Variants in RASSF1 observed in about 807,000 individuals in gnomAD.
The protein encoded by RASSF1 is Ras association domain family member 1, also known as ras association domain-containing protein 1.
Under a neutral mutation model 34.3 loss-of-function variants are expected in RASSF1, and 33 were observed. The ratio of observed to expected loss-of-function variants is 0.96; its 90% confidence interval spans 0.73 to 1.29. RASSF1 has a LOEUF of 1.29. Among genes scored for constraint, RASSF1 ranks in the 50% most tolerant of loss-of-function variants. The pLI is 0.00. For missense variants in RASSF1, 445 were observed against 471.8 expected, an observed-to-expected ratio of 0.94 and a Z score of 0.53; for synonymous variants, 191 against 195.0, an observed-to-expected ratio of 0.98 and a Z score of 0.17.
chr3:50,332,340 G>A (rs752954153), intron 2 of RASSF1, among the ~76,000 whole-genome samples, 186 bp from the exon 3 acceptor site: 1 of 152,224 alleles, frequency 6.6e-6, no homozygotes, highest in Non-Finnish European at 1.5e-5. Flanking sequence ...GGGTGGATAA[G>A]GGAAAGACAG....
At position 50,330,510 on chromosome 3, in the gene RASSF1, G is replaced by A; in HGVS notation, c.*71C>T. On this transcript the variant is annotated 3_prime_UTR_variant, in exon 6 of 6. Coordinates refer to ENST00000359365, the MANE Select transcript of RASSF1 (RefSeq NM_007182.5). The surrounding 1 kb of genome is among the most constrained non-coding windows in gnomAD (Gnocchi z 4.5). Reference sequence around the variant, plus strand: ...CACACTCATTCCACAGGCCCCACTGGCCCTGTCACACTCACACGGCACGCA... The same window carrying A: ...CACACTCATTCCACAGGCCCCACTGACCCTGTCACACTCACACGGCACGCA... 10 of 1,575,040 alleles carry A rather than the reference G, an allele frequency of 6.3e-6. No homozygotes were observed. The highest frequency in any genetic ancestry group is 8.7e-6 in the Non-Finnish European group (10 of 1,151,592).
chr3:50,331,283 C>G, intron 5 of RASSF1, 51 bp downstream of exon 5: 1 of 1,314,962 alleles, frequency 7.6e-7, no homozygotes, highest in Non-Finnish European at 1.0e-6. Context: ...GTAGCTACAG[C>G]CCATCAGTCC....
rs113114975 is a variant in RASSF1 at position 50,330,728 on chromosome 3, C to T, written c.877-1G>A. ...GTTCAGGCATGCTGAAGGCGTCCCA[C>T]TGCAAGGGGCAAAAGGGGAGTGTAC... On this transcript the variant is annotated splice_acceptor_variant, in intron 5 of 5. Transcript: ENST00000359365. LOFTEE classifies it high-confidence loss of function. The surrounding 1 kb of genome is among the most constrained non-coding windows in gnomAD (Gnocchi z 4.5). 15 of 1,613,766 alleles carry T rather than the reference C, an allele frequency of 9.3e-6. 1 individual carries two copies. In the South Asian group the frequency reaches 1.6e-4, roughly 18 times the overall value.
intron 2 of RASSF1, 114 bp downstream of exon 2, chr3:50,337,791 G>A: frequency 8.8e-7 from 1 of 1,141,058 alleles, no homozygotes; most frequent in Non-Finnish European, 1.2e-6. Flanking sequence ...GTGCCGCCGG[G>A]AAATCGGCAA....
rs373982641 is a variant in RASSF1, at chr3:50,333,492, T to C, written c.358-1338A>G. 1.1e-4 allele frequency among the ~76,000 whole-genome samples: 17 copies of C among 152,226 alleles called. No individual in the cohort carries two copies. In the East Asian group the frequency reaches 3.3e-3, roughly 29 times the overall value. On this transcript the variant is annotated intron_variant, in intron 2 of 5. Transcript: ENST00000359365. ...ATTTGGCCCAAAGATTTTTTTTTTT[T>C]TTGAGACGAAGCCTCACTCTGTCGC... is the stretch of plus-strand genomic sequence containing the variant.
At chr3:50,333,692 T>G (rs1349625390) in intron 2 of RASSF1, among the ~76,000 whole-genome samples, 1 of 152,140 alleles carries the variant, frequency 6.6e-6, no homozygotes, top group East Asian at 1.9e-4. Flanking sequence ...ATTGGCCAGG[T>G]TGGTCTTGAA....
intron 2 of RASSF1, chr3:50,337,552 A>G: frequency 2.7e-6 from 4 of 1,473,780 alleles, no homozygotes; most frequent in Non-Finnish European, 2.7e-6. Context: ...ATCGCTCCGG[A>G]GCTCCACTCA....
intron 1 of RASSF1, 132 bp downstream of exon 1, chr3:50,340,424 G>A (rs1372055511): frequency 8.1e-7 from 1 of 1,239,090 alleles, no homozygotes; most frequent in Admixed American, 4.0e-5. Context: ...TTCAGCGATG[G>A]GGCGAAAGTA....
chr3:50,334,715 C>T (rs1190935399), intron 2 of RASSF1, among the ~76,000 whole-genome samples: 1 of 152,222 alleles, frequency 6.6e-6, no homozygotes, highest in African/African-American at 2.4e-5. Context: ...TCATTTCCAG[C>T]CCCTTCCCTT....
chr3:50,337,917 C>G lies in RASSF1; in HGVS notation c.345G>C (p.Arg115=), dbSNP rs769567721. ...RDLGWEPAVE[R]DTNVDEPVEW... Reference sequence around the variant, plus strand: ...GCCCCGCGCTCACCACGTTCGTGTCCCGCTCCACCGCGGGTTCCCAGCCCA... The same window carrying G: ...GCCCCGCGCTCACCACGTTCGTGTCGCGCTCCACCGCGGGTTCCCAGCCCA... Residue 115 remains arginine, a synonymous_variant, in exon 2 of 6, where the codon CGG becomes CGC. Coordinates refer to ENST00000359365, the MANE Select transcript of RASSF1 (RefSeq NM_007182.5). The G allele has an allele frequency of 1.2e-6, 2 of 1,609,728 alleles. No homozygotes were observed. The highest frequency in any genetic ancestry group is 2.2e-5 in the East Asian group (1 of 44,850).
rs1703225726 is a variant in RASSF1, at chr3:50,337,982, G to A, written c.280C>T (p.Arg94Cys). The change falls in exon 2 of 6, where the codon CGC becomes TGC. Residue 94 changes from arginine to cysteine, a missense_variant. Arg to Cys is a radical substitution (Grantham distance 180, BLOSUM62 -3). Coordinates refer to ENST00000359365, the MANE Select transcript of RASSF1 (RefSeq NM_007182.5). ...HCKFTCHYRCRALVCLDCCGP... is the reference protein window; with the variant it reads ...HCKFTCHYRCCALVCLDCCGP... ...CAACAGTCCAGGCAGACGAGCGCGCGGCAGCGGTAGTGGCAGGTGAACTTG... is the reference window on the plus strand; with the variant it reads ...CAACAGTCCAGGCAGACGAGCGCGCAGCAGCGGTAGTGGCAGGTGAACTTG... 2 of 1,606,040 alleles carry A rather than the reference G, an allele frequency of 1.2e-6. No homozygotes were observed. Among genetic ancestry groups the A allele is most frequent in the Non-Finnish European group, 1.7e-6 (2 of 1,176,552 alleles).
At position 50,331,656 on chromosome 3, in the gene RASSF1, C is replaced by A. The variant is rs769620757; in HGVS notation, c.663G>T (p.Arg221Ser). 1.2e-6 allele frequency: 2 copies of A among 1,612,588 alleles called. No individual in the cohort carries two copies. The highest frequency in any genetic ancestry group is 3.3e-5 in the Admixed American group (2 of 60,014). Reference sequence around the variant, plus strand: ...GCAGGGCCTCAATGACTTCACGTGCCCTTGTGCGTGACAGCACATGCAGGT... The same window carrying A: ...GCAGGGCCTCAATGACTTCACGTGCACTTGTGCGTGACAGCACATGCAGGT... ...VKHLHVLSRT[R>S]AREVIEALLR... Residue 221 changes from arginine (R) to serine (S), a missense_variant, in exon 4 of 6, where the codon AGG becomes AGT. Coordinates refer to ENST00000359365, the MANE Select transcript of RASSF1 (RefSeq NM_007182.5).
intron 2 of RASSF1, among the ~76,000 whole-genome samples, chr3:50,335,567 C>A (rs1180684795): frequency 6.6e-6 from 1 of 152,156 alleles, no homozygotes. Flanking sequence ...GATCTGCCTG[C>A]CTTGGCCTCC....
chr3:50,334,665 C>T (rs60726099), intron 2 of RASSF1, among the ~76,000 whole-genome samples: 1 of 152,236 alleles, frequency 6.6e-6, no homozygotes, highest in Non-Finnish European at 1.5e-5. Flanking sequence ...TTCTTCCCTT[C>T]CTGGATGACC....
At position 50,330,566 on chromosome 3, in the gene RASSF1, T is replaced by G. The variant is rs1165639425; in HGVS notation, c.*15A>C. On this transcript the variant is annotated 3_prime_UTR_variant, in exon 6 of 6. Transcript: ENST00000359365. This position sits in a 1 kb window ranked among gnomAD's most constrained non-coding sequence, Gnocchi z 4.5. Reference sequence around the variant, plus strand: ...CGCTGCCTGCTGTCTGCCTTCCACCTGGGGGTACAAGAGGTCACCCAAGGG... The same window carrying G: ...CGCTGCCTGCTGTCTGCCTTCCACCGGGGGGTACAAGAGGTCACCCAAGGG... 6.2e-7 allele frequency: 1 copy of G among 1,613,324 alleles called. No homozygotes were observed. The highest frequency in any genetic ancestry group is 1.3e-5 in the African/African-American group (1 of 74,912).
chr3:50,338,231 T>C (rs1703235955), intron 1 of RASSF1: 2 of 1,379,454 alleles, frequency 1.4e-6, no homozygotes, highest in Non-Finnish European at 1.9e-6. Flanking sequence ...TGCTCAACAG[T>C]TGGATCTCTA....
intron 2 of RASSF1, chr3:50,337,024 G>C (rs1703162855): frequency 8.9e-7 from 1 of 1,125,446 alleles, no homozygotes; most frequent in Non-Finnish European, 1.2e-6. Flanking sequence ...GCACGGTTCC[G>C]CGGGCAGGTC....
At chr3:50,332,281 A>T in intron 2 of RASSF1, 127 bp from the exon 3 acceptor site, 1 of 709,684 alleles carries the variant, frequency 1.4e-6, no homozygotes, top group Non-Finnish European at 2.4e-6. Flanking sequence ...ACATATACAT[A>T]GCTGGTGCCC....
chr3:50,337,488 G>A, intron 2 of RASSF1: 2 of 1,539,824 alleles, frequency 1.3e-6, no homozygotes, highest in South Asian at 2.4e-5. Flanking sequence ...TTGTCTCATT[G>A]GGGCAGGAAC....
Sources: allele counts gnomAD v4.1 joint callset (sites outside exome capture counted in the v4.1 genomes callset), GRCh38; gene constraint gnomAD v4.1.1; non-coding constraint Gnocchi (gnomAD v3.1); transcripts MANE v1.5; gene names NCBI Gene and HGNC (gene_info 2026-07-23, HGNC 2026-07-21).